The following ARL8A variants were observed in gnomAD, a reference collection of about 807,000 sequenced individuals.
ARL8A encodes ADP-ribosylation factor-like protein 8A.
In ARL8A, 10 loss-of-function variants were observed where a neutral mutation model predicts 31.2. The observed-to-expected ratio is 0.32, with a 90% CI of 0.20 to 0.54. The LOEUF (loss-of-function observed/expected upper bound fraction) is 0.54. Ranked by LOEUF, ARL8A falls within the 20% of genes least tolerant of loss-of-function variation. ARL8A has a pLI of 0.93. For missense variants in ARL8A, 129 were observed against 242.8 expected (o/e 0.53, Z 3.12); for synonymous variants, 70 against 86.9 (o/e 0.81, Z 1.08).
intron 3 of ARL8A, among the ~76,000 whole-genome samples, chr1:202,137,678 T>C (rs185733930): frequency 1.1e-3 from 161 of 151,354 alleles, no homozygotes; most frequent in African/African-American, 3.8e-3. Flanking sequence ...AAGACAGTGG[T>C]GACTTTGGGT....
chr1:202,135,655 G>A lies in ARL8A; in HGVS notation c.372+52C>T. On this transcript the variant is annotated intron_variant, in intron 4 of 6. Transcript: ENST00000272217. This position sits in a 1 kb window ranked among gnomAD's most constrained non-coding sequence, Gnocchi z 5.3. ...CATGCCTGGCTTTTACCTGCTCCCA[G>A]TGACTTCCCAGCCGAGCTCCCTCCC... 2.5e-6 allele frequency: 4 copies of A among 1,590,300 alleles called. No individual in the cohort carries two copies. The highest frequency in any genetic ancestry group is 3.5e-6 in the Non-Finnish European group (4 of 1,158,874).
intron 3 of ARL8A, among the ~76,000 whole-genome samples, chr1:202,136,526 G>T (rs747039067): frequency 6.6e-6 from 1 of 151,976 alleles, no homozygotes; most frequent in Admixed American, 6.6e-5. Context: ...TGATCCACTC[G>T]TCTCGGGCTC....
At chr1:202,142,838 C>T (rs1655196442) in intron 1 of ARL8A, among the ~76,000 whole-genome samples, 2 of 152,080 alleles carry the variant, frequency 1.3e-5, no homozygotes, top group South Asian at 2.1e-4. Flanking sequence ...GGATCCCTGT[C>T]CCAGAGCACA....
chr1:202,137,944 C>T (rs375547855), intron 3 of ARL8A, 21 bp downstream of exon 3: 13 of 1,613,568 alleles, frequency 8.1e-6, no homozygotes, highest in East Asian at 6.7e-5. Context: ...TGGAGTCTGG[C>T]GATGCCTCCC....
At position 202,138,123 on chromosome 1, in the gene ARL8A, G is replaced by C. The variant is rs892292827; in HGVS notation, c.205-85C>G. On this transcript the variant is annotated intron_variant, in intron 2 of 6. Coordinates refer to ENST00000272217, the MANE Select transcript of ARL8A (RefSeq NM_138795.4). This position sits in a 1 kb window ranked among gnomAD's most constrained non-coding sequence, Gnocchi z 4.4. ...GGTCTCAAATGCCCCCTCCTACCCT[G>C]CCCTACTCTCCTCTGCCTCCCCGGC... The C allele has an allele frequency of 2.4e-5, 35 of 1,481,090 alleles. No homozygotes were observed. The highest frequency in any genetic ancestry group is 3.1e-5 in the Non-Finnish European group (33 of 1,068,834). 91.7% of individuals were successfully genotyped at this position (1,481,090 alleles called of 1,614,324 possible).
At position 202,135,119 on chromosome 1, in the gene ARL8A, C is replaced by A; in HGVS notation, c.511+31G>T. On this transcript the variant is annotated intron_variant, in intron 6 of 6. Transcript: ENST00000272217. The surrounding 1 kb of genome is among the most constrained non-coding windows in gnomAD (Gnocchi z 5.3). ...ACTAAAACACTCAGAAATGCCTCTC[C>A]CCTCTCCTCCCTTTCCCCCATCCTA... 1 of 1,596,062 alleles carries A rather than the reference C, an allele frequency of 6.3e-7. No homozygotes were observed. Among genetic ancestry groups the A allele is most frequent in the Middle Eastern group, 1.7e-4 (1 of 6,044 alleles).
chr1:202,139,401 A>C (rs529068385), intron 1 of ARL8A, among the ~76,000 whole-genome samples: 1 of 151,998 alleles, frequency 6.6e-6, no homozygotes, highest in African/African-American at 2.4e-5. Context: ...GTGAAACCCC[A>C]TCTCTACTAA....
intron 3 of ARL8A, among the ~76,000 whole-genome samples, chr1:202,137,360 C>G (rs66572093): frequency 0.51 from 77,856 of 151,708 alleles, 20,166 homozygotes; most frequent in African/African-American, 0.53. Flanking sequence ...GAGAGGGCTG[C>G]GCGCGGTGGC....
At chr1:202,137,855 G>T in intron 3 of ARL8A, 110 bp downstream of exon 3, 1 of 1,222,206 alleles carries the variant, frequency 8.2e-7, no homozygotes, top group South Asian at 1.3e-5. Context: ...ACTGTGTCAT[G>T]AACCAAGGAT....
Position 202,143,086 on chromosome 1 carries a change from GT to G in ARL8A, c.123+1363del, listed in dbSNP as rs1295309057. ...AGGGGTGTTAGCTCCGAAAATTACTGTGCCAAAACCGCAGCATTGGCCTGAA... is the reference window on the plus strand; with the variant it reads ...AGGGGTGTTAGCTCCGAAAATTACTGGCCAAAACCGCAGCATTGGCCTGAA... On this transcript the variant is annotated intron_variant, in intron 1 of 6. Transcript: ENST00000272217. Among the ~76,000 whole-genome samples the G allele has an allele frequency of 2.1e-4, 32 of 152,170 alleles. 1 individual carries two copies. The highest frequency in any genetic ancestry group is 7.5e-4 in the African/African-American group (31 of 41,432).
chr1:202,138,369 T>G lies in ARL8A; in HGVS notation c.203A>C (p.Lys68Thr). The G allele has an allele frequency of 6.2e-7, 1 of 1,613,144 alleles. No homozygotes were observed. The highest frequency in any genetic ancestry group is 8.5e-7 in the Non-Finnish European group (1 of 1,179,330). ...CCCCCCAAGCTTCTGGGCCCTCACC[T>G]TGATAGTCACATTCCCTTTGGTGAT... ...RKITKGNVTI[K>T]LWDIGGQPRF... The change falls in exon 2 of 7, where the codon AAG becomes ACG. Residue 68 changes from lysine (K) to threonine (T), a missense_variant and splice_region_variant. Physicochemically the swap from Lys to Thr is moderately conservative, Grantham distance 78. Coordinates refer to ENST00000272217, the MANE Select transcript of ARL8A (RefSeq NM_138795.4). The surrounding 1 kb of genome is among the most constrained non-coding windows in gnomAD (Gnocchi z 4.4).
At position 202,138,050 on chromosome 1, in the gene ARL8A, G is replaced by C. The variant is rs1171076028; in HGVS notation, c.205-12C>G. ...CCAATGTCCCAGAGCTGAGCAAGAAGAGGGTGAGATAGCCTCAGTAGTGGG... is the reference window on the plus strand; with the variant it reads ...CCAATGTCCCAGAGCTGAGCAAGAACAGGGTGAGATAGCCTCAGTAGTGGG... On this transcript the variant is annotated splice_polypyrimidine_tract_variant and intron_variant, in intron 2 of 6. Coordinates refer to ENST00000272217, the MANE Select transcript of ARL8A (RefSeq NM_138795.4). This position sits in a 1 kb window ranked among gnomAD's most constrained non-coding sequence, Gnocchi z 4.4. The C allele has an allele frequency of 6.2e-7, 1 of 1,613,966 alleles. No homozygotes were observed. The highest frequency in any genetic ancestry group is 1.3e-5 in the African/African-American group (1 of 75,038).
At chr1:202,143,916 G>A (rs1369561094) in intron 1 of ARL8A, among the ~76,000 whole-genome samples, 1 of 152,216 alleles carries the variant, frequency 6.6e-6, no homozygotes, top group Non-Finnish European at 1.5e-5. Flanking sequence ...CTACCCCGGG[G>A]GATACCTCCC....
At position 202,135,666 on chromosome 1, in the gene ARL8A, G is replaced by T; in HGVS notation, c.372+41C>A. 6.3e-7 allele frequency: 1 copy of T among 1,596,256 alleles called. No individual in the cohort carries two copies. The highest frequency in any genetic ancestry group is 8.6e-7 in the Non-Finnish European group (1 of 1,164,132). ...TTTACCTGCTCCCAGTGACTTCCCA[G>T]CCGAGCTCCCTCCCCATCCCGCTCC... On this transcript the variant is annotated intron_variant, in intron 4 of 6. Coordinates refer to ENST00000272217, the MANE Select transcript of ARL8A (RefSeq NM_138795.4). This position sits in a 1 kb window ranked among gnomAD's most constrained non-coding sequence, Gnocchi z 5.3.
rs1655064116 is a variant in ARL8A, at chr1:202,138,154, C to G, written c.205-116G>C. ...CTCTCCTCTGCCTCCCCGGCTTCCT[C>G]TCCAGTTCTCCCCCGTCTCCACCCG... On this transcript the variant is annotated intron_variant, in intron 2 of 6. Coordinates refer to ENST00000272217, the MANE Select transcript of ARL8A (RefSeq NM_138795.4). This position sits in a 1 kb window ranked among gnomAD's most constrained non-coding sequence, Gnocchi z 4.4. 2.4e-6 allele frequency: 3 copies of G among 1,268,600 alleles called. No homozygotes were observed. The highest frequency in any genetic ancestry group is 3.4e-6 in the Non-Finnish European group (3 of 891,272). 78.6% of individuals were successfully genotyped at this position (1,268,600 alleles called of 1,614,324 possible).
Position 202,138,403 on chromosome 1 carries a change from T to C in ARL8A, c.169A>G (p.Met57Val). ...ACATTCCCTTTGGTGATTTTGCGCA[T>C]GTTGAAACCCACGGTGGGGATCATG... is the stretch of plus-strand genomic sequence containing the variant. Reference protein sequence around the residue: ...EDMIPTVGFNMRKITKGNVTI... With the variant: ...EDMIPTVGFNVRKITKGNVTI... Residue 57 changes from methionine (M) to valine (V), a missense_variant, in exon 2 of 7, where the codon ATG becomes GTG. Transcript: ENST00000272217. This position sits in a 1 kb window ranked among gnomAD's most constrained non-coding sequence, Gnocchi z 4.4. 1 of 1,614,044 alleles carries C rather than the reference T, an allele frequency of 6.2e-7. No individual in the cohort carries two copies. The highest frequency in any genetic ancestry group is 8.5e-7 in the Non-Finnish European group (1 of 1,179,972).
Position 202,144,382 on chromosome 1 carries a change from C to T in ARL8A, c.123+68G>A. On this transcript the variant is annotated intron_variant, in intron 1 of 6. Transcript: ENST00000272217. The surrounding 1 kb of genome is among the most constrained non-coding windows in gnomAD (Gnocchi z 5.2). ...GCGGCGACCCCGGCTCAGCAGGGCG[C>T]GGCGCGGGCGGGGACAGGCCCGACC... 1 of 1,015,032 alleles carries T rather than the reference C, an allele frequency of 9.9e-7. No homozygotes were observed. Among genetic ancestry groups the T allele is most frequent in the Non-Finnish European group, 1.2e-6 (1 of 843,894 alleles). The allele number at this position is 1,015,032 out of a possible 1,614,324, so 62.9% of individuals were successfully genotyped here.
Position 202,138,328 on chromosome 1 carries a change from A to ACACACACACACAC in ARL8A, c.204+39_204+40insGTGTGTGTGTGTG, listed in dbSNP as rs762466601. 1.2e-5 allele frequency: 18 copies of ACACACACACACAC among 1,464,178 alleles called. No homozygotes were observed. The African/African-American group carries it at 2.7e-4, about 22-fold the overall frequency. The allele number at this position is 1,464,178 out of a possible 1,614,324, so 90.7% of individuals were successfully genotyped here. ...ACACACACACACACACACACACACAAAAACAGTCCTCTGCACCCCCCAAGC... is the reference window on the plus strand; with the variant it reads ...ACACACACACACACACACACACACAACACACACACACACAAACAGTCCTCTGCACCCCCCAAGC... On this transcript the variant is annotated intron_variant, in intron 2 of 6. Coordinates refer to ENST00000272217, the MANE Select transcript of ARL8A (RefSeq NM_138795.4). This position sits in a 1 kb window ranked among gnomAD's most constrained non-coding sequence, Gnocchi z 4.4.
rs1654935633 is a variant in ARL8A at position 202,134,066 on chromosome 1, G to A, written c.*401C>T. The A allele has an allele frequency of 6.6e-6, 1 of 152,652 alleles. No individual in the cohort carries two copies. The highest frequency in any genetic ancestry group is 1.5e-5 in the Non-Finnish European group (1 of 68,396). 9.5% of individuals were successfully genotyped at this position (152,652 alleles called of 1,614,324 possible). A position where few individuals can be genotyped will look rare whatever the true frequency, so the allele number is the denominator to read the frequency against. On this transcript the variant is annotated 3_prime_UTR_variant, in exon 7 of 7. Transcript: ENST00000272217. This position sits in a 1 kb window ranked among gnomAD's most constrained non-coding sequence, Gnocchi z 4.2. ...CTGCAGCATCAAATGGTTGATTTTA[G>A]TCTTTGCTTAAATTAAAAAATTAAA...
Sources: allele counts gnomAD v4.1 joint callset (sites outside exome capture counted in the v4.1 genomes callset), GRCh38; gene constraint gnomAD v4.1.1; non-coding constraint Gnocchi (gnomAD v3.1); transcripts MANE v1.5; gene names NCBI Gene and HGNC (gene_info 2026-07-23, HGNC 2026-07-21).